Variants in ARFGEF2 observed in about 807,000 individuals in gnomAD.
The protein encoded by ARFGEF2 is ARF guanine nucleotide exchange factor 2, also known as brefeldin A-inhibited guanine nucleotide-exchange protein 2.
ARFGEF2 carries 74 observed loss-of-function variants against 219.9 expected under a neutral mutation model. The ratio of observed to expected loss-of-function variants is 0.34; its 90% CI spans 0.28 to 0.41. The LOEUF (loss-of-function observed/expected upper bound fraction) is 0.41, where lower values mean the gene tolerates loss of function less well. ARFGEF2 is among the 10% of genes least tolerant of loss of function. The probability of loss-of-function intolerance (pLI) is 1.00; values close to 1 mark genes in which losing one functional copy is unlikely to be tolerated. For missense variants in ARFGEF2, 1,743 were observed against 2,218.3 expected (o/e 0.79, Z 4.30); for synonymous variants, 733 against 799.2 (o/e 0.92, Z 1.40).
chr20:48,935,056 G>A (rs1258878164), intron 1 of ARFGEF2, among the ~76,000 whole-genome samples: 7 of 152,092 alleles, frequency 4.6e-5, no homozygotes, highest in African/African-American at 7.2e-5. Context: ...TCTAACTGGC[G>A]TGAGATGGTA....
chr20:49,021,348 T>C (rs573770503), intron 34 of ARFGEF2, among the ~76,000 whole-genome samples: 8 of 152,306 alleles, frequency 5.3e-5, no homozygotes, highest in African/African-American at 1.9e-4. Context: ...CACTGAAATA[T>C]TTAATGTTTT....
intron 6 of ARFGEF2, among the ~76,000 whole-genome samples, chr20:48,956,385 T>A (rs1194244775): frequency 2.0e-5 from 3 of 152,196 alleles, no homozygotes; most frequent in Admixed American, 1.3e-4. Flanking sequence ...CCTGGACATC[T>A]GTGGTGGCTC....
intron 34 of ARFGEF2, among the ~76,000 whole-genome samples, chr20:49,021,893 G>A (rs1258972252): frequency 6.9e-6 from 1 of 144,086 alleles, no homozygotes; most frequent in East Asian, 2.0e-4. Flanking sequence ...GCTCATGCCT[G>A]TAATCCCAGC....
intron 25 of ARFGEF2, among the ~76,000 whole-genome samples, chr20:49,003,291 AT>A (rs1172159162): frequency 1.3e-5 from 2 of 151,562 alleles, no homozygotes; most frequent in Admixed American, 1.3e-4. Context: ...ATTACAAATG[AT>A]ATTGCTGCAT....
At chr20:49,018,853 A>G (rs1271184556) in intron 33 of ARFGEF2, 31 bp from the exon 34 acceptor site, 2 of 1,569,040 alleles carry the variant, frequency 1.3e-6, no homozygotes, top group Non-Finnish European at 1.8e-6. Flanking sequence ...AAGAAAAGTG[A>G]GCATTGTGTT....
At chr20:48,992,207 G>A (rs756905218) in intron 21 of ARFGEF2, among the ~76,000 whole-genome samples, 3 of 152,180 alleles carry the variant, frequency 2.0e-5, no homozygotes, top group Admixed American at 1.3e-4. Context: ...ATTGTCTCTC[G>A]TGGCAAAATA....
intron 26 of ARFGEF2, among the ~76,000 whole-genome samples, chr20:49,007,394 A>C (rs759219759): frequency 6.6e-6 from 1 of 151,644 alleles, no homozygotes; most frequent in Non-Finnish European, 1.5e-5. Flanking sequence ...GGTTCAAACA[A>C]TTCTCCTGCC....
rs548452984 is a variant in ARFGEF2 at position 49,026,697 on chromosome 20, T to C, written c.4924+1216T>C. Among the ~76,000 whole-genome samples, 3 of 151,804 alleles carry C rather than the reference T, an allele frequency of 2.0e-5. No homozygotes were observed. The East Asian group carries it at 5.8e-4, about 29-fold the overall frequency. On this transcript the variant is annotated intron_variant, in intron 36 of 38. Transcript: ENST00000371917. ...ACCTCCCGGGTTCAAGCAATTCTCA[T>C]GCCTCAGCCTTCCAAGTAGTTGGGT...
chr20:49,013,472 A>G (rs2091512893), intron 28 of ARFGEF2, 92 bp from the exon 29 acceptor site: 1 of 1,546,022 alleles, frequency 6.5e-7, no homozygotes, highest in Non-Finnish European at 8.9e-7. Context: ...GGGAGAGAAA[A>G]ATGTGTGGGG....
chr20:48,922,069 A>C (rs2090844959), intron 1 of ARFGEF2, 59 bp downstream of exon 1: 4 of 1,536,290 alleles, frequency 2.6e-6, no homozygotes, highest in Admixed American at 2.0e-5. Flanking sequence ...CCGTTGCCCT[A>C]TCCTACTCGG....
At chr20:48,977,562 A>G (rs550520794) in intron 14 of ARFGEF2, among the ~76,000 whole-genome samples, 1 of 152,368 alleles carries the variant, frequency 6.6e-6, no homozygotes, top group South Asian at 2.1e-4. Flanking sequence ...ACTGTCTTCC[A>G]CAATGGTTGG....
At chr20:48,956,479 A>G (rs2091106315) in intron 6 of ARFGEF2, among the ~76,000 whole-genome samples, 1 of 152,192 alleles carries the variant, frequency 6.6e-6, no homozygotes, top group African/African-American at 2.4e-5. Context: ...TAGGATTCTG[A>G]CTTTTAACTC....
chr20:48,981,603 C>T (rs1260190398), intron 14 of ARFGEF2, among the ~76,000 whole-genome samples: 1 of 152,226 alleles, frequency 6.6e-6, no homozygotes, highest in African/African-American at 2.4e-5. Flanking sequence ...TTCTCCCTGT[C>T]ACTTTCAGGC....
In ARFGEF2 at chr20:49,028,525, T is replaced by C; in HGVS notation, c.4925-5T>C. 2 of 1,614,088 alleles carry C rather than the reference T, an allele frequency of 1.2e-6. No homozygotes were observed. The highest frequency in any genetic ancestry group is 1.7e-6 in the Non-Finnish European group (2 of 1,179,914). ...GCACTAATTATATGACTGTCTGATC[T>C]CTAGGTTTTAAGGGCAAGTCTAAAC... On this transcript the variant is annotated splice_region_variant and splice_polypyrimidine_tract_variant and intron_variant, in intron 36 of 38. Coordinates refer to ENST00000371917, the MANE Select transcript of ARFGEF2 (RefSeq NM_006420.3).
At chr20:49,006,167 G>A (rs147826902) in intron 26 of ARFGEF2, among the ~76,000 whole-genome samples, 1,945 of 152,066 alleles carry the variant, frequency 0.013, 69 homozygotes, top group Admixed American at 0.07. Context: ...GGTGGTGGGC[G>A]CCTGTAATCC....
At chr20:49,016,700 G>C (rs2091533234) in intron 31 of ARFGEF2, among the ~76,000 whole-genome samples, 1 of 151,994 alleles carries the variant, frequency 6.6e-6, no homozygotes, top group Non-Finnish European at 1.5e-5. Flanking sequence ...ATTTTCTCTA[G>C]TAAAATGTTT....
In ARFGEF2 at chr20:48,971,114, TG is replaced by T; in HGVS notation, c.1191-5del. On this transcript the variant is annotated splice_polypyrimidine_tract_variant and splice_region_variant and intron_variant, in intron 9 of 38. Transcript: ENST00000371917. ...CACTGTTGTGGTTTTTCATTTTCTT[TG>T]CCAGATCCCATGAGCTGCGTTCCAA... 6.2e-7 allele frequency: 1 copy of T among 1,613,766 alleles called. No individual in the cohort carries two copies. Among genetic ancestry groups the T allele is most frequent in the Non-Finnish European group, 8.5e-7 (1 of 1,179,632 alleles).
intron 7 of ARFGEF2, 132 bp downstream of exon 7, chr20:48,964,030 C>A: frequency 1.3e-6 from 1 of 780,280 alleles, no homozygotes. Flanking sequence ...ACTGAATCTT[C>A]CCACGTCTGC....
intron 1 of ARFGEF2, among the ~76,000 whole-genome samples, chr20:48,927,733 G>C (rs1170474274): frequency 1.3e-5 from 2 of 151,642 alleles, no homozygotes; most frequent in African/African-American, 4.8e-5. Flanking sequence ...GACATAACAA[G>C]ACTTTAAATT....
Sources: allele counts gnomAD v4.1 joint callset (sites outside exome capture counted in the v4.1 genomes callset), GRCh38; gene constraint gnomAD v4.1.1; transcripts MANE v1.5; gene names NCBI Gene and HGNC (gene_info 2026-07-23, HGNC 2026-07-21).